MASP1: variants seen among roughly 807,000 people sequenced by gnomAD.
The protein encoded by MASP1 is MBL associated serine protease 1.
In MASP1, 59 loss-of-function variants were observed where a neutral mutation model predicts 77.1. The observed-to-expected ratio is 0.77, with a 90% CI of 0.62 to 0.95. The LOEUF (loss-of-function observed/expected upper bound fraction) is 0.95. Among genes scored for constraint, MASP1 ranks in the 40% least tolerant of loss-of-function variants. The pLI, the probability that MASP1 is intolerant of heterozygous loss-of-function variation, is 0.00. For synonymous variants in MASP1, 362 were observed against 354.5 expected, an observed-to-expected ratio of 1.02 and a Z score of -0.24; for missense variants, 885 against 912.9, an observed-to-expected ratio of 0.97 and a Z score of 0.39.
At chr3:187,268,497 AAAAG>A (rs1194741540) in intron 2 of MASP1, among the ~76,000 whole-genome samples, 8 of 151,700 alleles carry the variant, frequency 5.3e-5, no homozygotes, top group Admixed American at 2.6e-4. Flanking sequence ...CTGTCTATGA[AAAAG>A]AAAGAAAGAA....
intron 14 of MASP1, among the ~76,000 whole-genome samples, chr3:187,222,496 C>G (rs1712121131): frequency 6.6e-6 from 1 of 152,124 alleles, no homozygotes; most frequent in African/African-American, 2.4e-5. Context: ...CTAGCTGTGT[C>G]AGTCATAGGC....
At position 187,234,759 on chromosome 3, in the gene MASP1, G is replaced by T; in HGVS notation, c.*925C>A. The T allele has an allele frequency of 7.8e-7, 1 of 1,287,254 alleles. No individual in the cohort carries two copies. The highest frequency in any genetic ancestry group is 1.0e-6 in the Non-Finnish European group (1 of 988,702). The allele number at this position is 1,287,254 out of a possible 1,614,324, so 79.7% of individuals were successfully genotyped here. ...AAAAGCACAGCAGGACACAGTGTGGGTCTTTTCTTTTTCCAGGTAATCGAC... is the reference window on the plus strand; with the variant it reads ...AAAAGCACAGCAGGACACAGTGTGGTTCTTTTCTTTTTCCAGGTAATCGAC... On this transcript the variant is annotated 3_prime_UTR_variant, in exon 11 of 11. Coordinates refer to ENST00000296280, the MANE Select transcript of MASP1 (RefSeq NM_139125.4).
Position 187,285,970 on chromosome 3 carries a change from A to G in MASP1, c.92T>C (p.Ile31Thr), listed in dbSNP as rs752960915. ...TVELNNMFGQ[I>T]QSPGYPDSYP... Reference sequence around the variant, plus strand: ...GGAGTCTGGATAACCAGGCGACTGGATCTGGCCAAACATATTGTTTAGCTC... The same window carrying G: ...GGAGTCTGGATAACCAGGCGACTGGGTCTGGCCAAACATATTGTTTAGCTC... The change falls in exon 2 of 11, where the codon ATC (isoleucine) becomes ACC (threonine). Residue 31 changes from isoleucine (I) to threonine (T), a missense_variant. Transcript: ENST00000296280. 6.2e-7 allele frequency: 1 copy of G among 1,614,238 alleles called. No homozygotes were observed. The highest frequency in any genetic ancestry group is 8.5e-7 in the Non-Finnish European group (1 of 1,180,038).
At chr3:187,266,201 C>T (rs16861807) in intron 2 of MASP1, among the ~76,000 whole-genome samples, 149 of 152,274 alleles carry the variant, frequency 9.8e-4, no homozygotes, top group African/African-American at 3.3e-3. Context: ...ATTTAGGACA[C>T]CAACATGTGG....
intron 1 of MASP1, among the ~76,000 whole-genome samples, chr3:187,290,800 G>T (rs1718257157): frequency 4.1e-5 from 6 of 145,558 alleles, no homozygotes; most frequent in African/African-American, 1.0e-4. Context: ...GTGTGTGTGT[G>T]TAACAGCATT....
At position 187,291,661 on chromosome 3, in the gene MASP1, C is replaced by T. The variant is rs369872150; in HGVS notation, c.-29G>A. On this transcript the variant is annotated 5_prime_UTR_variant, in exon 1 of 11. Transcript: ENST00000296280. Reference sequence around the variant, plus strand: ...CCTGCCTTGGGTGCTCCCGGCTGCCCGGCCTTGGTCCTCCCAGCTTGACTT... The same window carrying T: ...CCTGCCTTGGGTGCTCCCGGCTGCCTGGCCTTGGTCCTCCCAGCTTGACTT... 9.6e-5 allele frequency: 155 copies of T among 1,614,188 alleles called. No individual in the cohort carries two copies. The highest frequency in any genetic ancestry group is 4.0e-4 in the African/African-American group (30 of 75,060).
intron 5 of MASP1, 32 bp downstream of exon 5, chr3:187,256,632 A>T: frequency 2.5e-6 from 4 of 1,610,752 alleles, no homozygotes; most frequent in Non-Finnish European, 3.4e-6. Context: ...ATTTTCCAGC[A>T]TCTCCAGGAC....
chr3:187,280,414 T>C (rs994370548), intron 2 of MASP1, among the ~76,000 whole-genome samples: 1 of 152,180 alleles, frequency 6.6e-6, no homozygotes, highest in African/African-American at 2.4e-5. Flanking sequence ...CCTTTTACAG[T>C]GAATAGATGC....
At position 187,234,919 on chromosome 3, in the gene MASP1, T is replaced by C. The variant is rs974128835; in HGVS notation, c.*765A>G. On this transcript the variant is annotated 3_prime_UTR_variant, in exon 11 of 11. Coordinates refer to ENST00000296280, the MANE Select transcript of MASP1 (RefSeq NM_139125.4). ...TGTCAGCTGGTGTTCCAGGGTGGCA[T>C]ATGGGCCCAAATGTGTTCTGAGTTG... 5.4e-6 allele frequency: 7 copies of C among 1,287,016 alleles called. No individual in the cohort carries two copies. In the Admixed American group the frequency reaches 1.1e-4, roughly 21 times the overall value. 79.7% of individuals were successfully genotyped at this position (1,287,016 alleles called of 1,614,324 possible).
At chr3:187,275,391 T>A (rs982723113) in intron 2 of MASP1, among the ~76,000 whole-genome samples, 1 of 152,040 alleles carries the variant, frequency 6.6e-6, no homozygotes, top group Non-Finnish European at 1.5e-5. Flanking sequence ...TAAACTTATA[T>A]CCTCAAATCT....
At position 187,285,997 on chromosome 3, in the gene MASP1, A is replaced by C; in HGVS notation, c.65T>G (p.Val22Gly). Reference protein sequence around the residue: ...FSLSKASAHTVELNNMFGQIQ... With the variant: ...FSLSKASAHTGELNNMFGQIQ... The stretch of plus-strand genomic sequence containing the variant: ...CTGGCCAAACATATTGTTTAGCTCC[A>C]CGGTGTGGGCTGAAGCCTTTGACAG... The change falls in exon 2 of 11, where the codon GTG (valine) becomes GGG (glycine). Residue 22 changes from valine (V) to glycine (G), a missense_variant. Transcript: ENST00000296280. 1 of 1,614,228 alleles carries C rather than the reference A, an allele frequency of 6.2e-7. No individual in the cohort carries two copies. Among genetic ancestry groups the C allele is most frequent in the South Asian group, 1.1e-5 (1 of 91,082 alleles).
intron 4 of MASP1, among the ~76,000 whole-genome samples, chr3:187,257,974 A>C (rs1326679957): frequency 6.6e-6 from 1 of 152,210 alleles, no homozygotes; most frequent in Non-Finnish European, 1.5e-5. Context: ...AGAGATCATG[A>C]GAGTGAGAAA....
At position 187,258,064 on chromosome 3, in the gene MASP1, G is replaced by A. The variant is rs535984938; in HGVS notation, c.548-1204C>T. 7.2e-5 allele frequency among the ~76,000 whole-genome samples: 11 copies of A among 152,238 alleles called. No homozygotes were observed. The East Asian group carries it at 1.9e-3, about 27-fold the overall frequency. ...CCATGCCAGGCAAGGGTTAAGTCAC[G>A]CATCCCTACACTGAAAGCATAAACT... On this transcript the variant is annotated intron_variant, in intron 4 of 10. Coordinates refer to ENST00000296280, the MANE Select transcript of MASP1 (RefSeq NM_139125.4).
chr3:187,249,379 C>G (rs1714371821), intron 8 of MASP1, among the ~76,000 whole-genome samples: 2 of 152,138 alleles, frequency 1.3e-5, no homozygotes, highest in South Asian at 4.1e-4. Flanking sequence ...CCTCACCAAG[C>G]CATTGTAAAG....
In MASP1 at chr3:187,223,180, C is replaced by A. The variant is rs144026900; in HGVS notation, c.1756G>T (p.Val586Phe). ...AAGAACTGCTTCCCCCAGCCGCTGACGATGACCATGGCTCCTGGAGGAGAG... is the reference window on the plus strand; with the variant it reads ...AAGAACTGCTTCCCCCAGCCGCTGAAGATGACCATGGCTCCTGGAGGAGAG... Residue 586 changes from valine to phenylalanine, a missense_variant, in exon 14 of 16, where the codon GTC becomes TTC. Val to Phe is a conservative substitution (Grantham distance 50). Transcript: ENST00000337774. 7.6e-5 allele frequency: 123 copies of A among 1,614,026 alleles called. No individual in the cohort carries two copies. The highest frequency in any genetic ancestry group is 1.0e-4 in the Non-Finnish European group (121 of 1,179,996).
chr3:187,284,029 TCCTTGTGACCCTGAGA>T (rs1360025609), intron 2 of MASP1, among the ~76,000 whole-genome samples: 3 of 152,182 alleles, frequency 2.0e-5, no homozygotes, highest in Non-Finnish European at 4.4e-5. Context: ...CCCTGGTTGA[TCCTTGTGACCCTGAGA>T]AATTTGTTCT....
In MASP1 at chr3:187,256,477, G is replaced by T. The variant is rs1715085069; in HGVS notation, c.744+187C>A. The T allele has an allele frequency of 1.2e-5, 8 of 659,806 alleles. No homozygotes were observed. In the Admixed American group the frequency reaches 1.8e-4, roughly 15 times the overall value. 40.9% of individuals were successfully genotyped at this position (659,806 alleles called of 1,614,324 possible). ...CCCTAGTGGCCAGTGGGGTCATTTC[G>T]GATCAGAGATTCCTGGAATAGATCT... On this transcript the variant is annotated intron_variant, in intron 5 of 10. Transcript: ENST00000296280.
In MASP1 at chr3:187,236,453, G is replaced by A. The variant is rs750601815; in HGVS notation, c.1418C>T (p.Ser473Leu). ...WQALIVVEDT[S>L]RVPNDKWFGS... ...AAACCACTTGTCATTTGGCACTCTC[G>A]AAGTGTCCTCCACCACTATCAGGGC... is the stretch of plus-strand genomic sequence containing the variant. The change falls in exon 11 of 11, where the codon TCG becomes TTG. Residue 473 changes from serine to leucine, a missense_variant. Transcript: ENST00000296280. 2.9e-5 allele frequency: 47 copies of A among 1,614,038 alleles called. No individual in the cohort carries two copies. The Admixed American group carries it at 3.2e-4, about 11-fold the overall frequency.
chr3:187,281,794 T>C (rs928687697), intron 2 of MASP1, among the ~76,000 whole-genome samples: 1 of 152,184 alleles, frequency 6.6e-6, no homozygotes, highest in African/African-American at 2.4e-5. Context: ...ATCCTCTCAC[T>C]GAACAGAGGA....
Sources: gnomAD v4.1 joint callset for allele counts (sites outside exome capture counted in the v4.1 genomes callset) on GRCh38, gnomAD v4.1.1 for gene constraint, MANE v1.5 for transcripts, NCBI Gene and HGNC (gene_info 2026-07-23, HGNC 2026-07-21) for gene names.